BAZ1B: variants seen among roughly 807,000 people sequenced by gnomAD.
BAZ1B encodes bromodomain adjacent to zinc finger domain 1B.
A neutral mutation model predicts 153.8 loss-of-function variants in BAZ1B; 22 were observed. That is an observed-to-expected ratio of 0.14 (90% CI 0.10 to 0.20). The LOEUF (loss-of-function observed/expected upper bound fraction) is 0.20, where lower values mean the gene tolerates loss of function less well. BAZ1B is among the 10% of genes least tolerant of loss of function. The pLI is 1.00. For synonymous variants in BAZ1B, 676 were observed against 633.4 expected, an observed-to-expected ratio of 1.07 and a Z score of -1.01; for missense variants, 1,325 against 1,799.3, an observed-to-expected ratio of 0.74 and a Z score of 4.77.
chr7:73,514,618 T>C lies in BAZ1B; in HGVS notation c.108-3766A>G, dbSNP rs145996823. Reference sequence around the variant, plus strand: ...CAAGCCCAGGAGTTCAAGAGCAGCCTGGGCAACATAGCAAAACCCCATCTC... The same window carrying C: ...CAAGCCCAGGAGTTCAAGAGCAGCCCGGGCAACATAGCAAAACCCCATCTC... On this transcript the variant is annotated intron_variant, in intron 1 of 19. Transcript: ENST00000339594. Among the ~76,000 whole-genome samples the C allele has an allele frequency of 5.4e-3, 815 of 151,436 alleles. 5 individuals are homozygous for C. Among genetic ancestry groups the C allele is most frequent in the African/African-American group, 0.018 (738 of 41,228 alleles).
chr7:73,444,871 G>A (rs1481800879), intron 16 of BAZ1B, among the ~76,000 whole-genome samples: 3 of 152,134 alleles, frequency 2.0e-5, no homozygotes, highest in Non-Finnish European at 2.9e-5. Flanking sequence ...AAAATTAGCA[G>A]GGCGTGGTGG....
chr7:73,494,124 G>A (rs900540449), intron 4 of BAZ1B, among the ~76,000 whole-genome samples: 7 of 152,070 alleles, frequency 4.6e-5, no homozygotes, highest in Non-Finnish European at 1.0e-4. Flanking sequence ...GCTCGTGCCT[G>A]TAATCCCAGC....
At position 73,506,812 on chromosome 7, in the gene BAZ1B, T is replaced by C. The variant is rs184116902; in HGVS notation, c.369+1515A>G. Among the ~76,000 whole-genome samples, 659 of 135,080 alleles carry C rather than the reference T, an allele frequency of 4.9e-3. 8 individuals carry two copies. The highest frequency in any genetic ancestry group is 0.017 in the African/African-American group (629 of 36,268). The allele number at this position is 135,080 out of a possible 152,430, so 88.6% of individuals were successfully genotyped here. On this transcript the variant is annotated intron_variant, in intron 3 of 19. Transcript: ENST00000339594. ...GTTGCAGTGAGCCGAGATCACGCCATTGCACTCCAGCCTAGGCGACAAGAG... is the reference window on the plus strand; with the variant it reads ...GTTGCAGTGAGCCGAGATCACGCCACTGCACTCCAGCCTAGGCGACAAGAG...
intron 7 of BAZ1B, 61 bp from the exon 8 acceptor site, chr7:73,470,544 TAAATA>T: frequency 1.3e-6 from 2 of 1,574,724 alleles, no homozygotes; most frequent in South Asian, 1.1e-5. Context: ...TCTTACAAAT[TAAATA>T]AAATATGGAG....
At chr7:73,442,155 C>T in intron 19 of BAZ1B, 26 bp downstream of exon 19, 8 of 451,984 alleles carry the variant, frequency 1.8e-5, no homozygotes, top group Non-Finnish European at 2.8e-5. Flanking sequence ...CCCTCCCTAG[C>T]TGTCCCCCCA....
intron 9 of BAZ1B, 107 bp from the exon 10 acceptor site, chr7:73,466,508 ACTTC>A: frequency 1.5e-6 from 1 of 675,220 alleles, no homozygotes; most frequent in Non-Finnish European, 2.6e-6. Context: ...CAACACAGAT[ACTTC>A]CTGTGAAATA....
intron 18 of BAZ1B, 50 bp downstream of exon 18, chr7:73,442,675 G>A: frequency 6.3e-7 from 1 of 1,580,408 alleles, no homozygotes; most frequent in Non-Finnish European, 8.6e-7. Context: ...GAAGCTTTTA[G>A]AACCAGCCAG....
chr7:73,458,907 C>CAAAT (rs1554569915), intron 13 of BAZ1B, among the ~76,000 whole-genome samples: 1 of 151,950 alleles, frequency 6.6e-6, no homozygotes, highest in Admixed American at 6.6e-5. Context: ...ATTAAATAAA[C>CAAAT]AAATTGTTAA....
intron 2 of BAZ1B, among the ~76,000 whole-genome samples, chr7:73,508,855 T>C (rs927460298): frequency 2.7e-5 from 4 of 150,670 alleles, no homozygotes; most frequent in Non-Finnish European, 4.4e-5. Flanking sequence ...CTACTAAAAA[T>C]ATAAAAAATT....
At chr7:73,443,151 G>A (rs1554565549) in intron 17 of BAZ1B, among the ~76,000 whole-genome samples, 1 of 152,230 alleles carries the variant, frequency 6.6e-6, no homozygotes, top group East Asian at 1.9e-4. Flanking sequence ...CTAGCTCTCA[G>A]AGAACAGGTG....
In BAZ1B at chr7:73,515,519, C is replaced by A. The variant is rs997109480; in HGVS notation, c.108-4667G>T. 5.6e-4 allele frequency among the ~76,000 whole-genome samples: 85 copies of A among 151,202 alleles called. 2 individuals are homozygous for A. The highest frequency in any genetic ancestry group is 3.1e-4 in the Non-Finnish European group (21 of 67,858). Reference sequence around the variant, plus strand: ...CATGTCACACACAGGGTCTGCCCCTCCAGCCTTGTTCCTTTTTTTTTTTTT... The same window carrying A: ...CATGTCACACACAGGGTCTGCCCCTACAGCCTTGTTCCTTTTTTTTTTTTT... On this transcript the variant is annotated intron_variant, in intron 1 of 19. Transcript: ENST00000339594.
chr7:73,456,505 C>T (rs1402540239), intron 13 of BAZ1B, among the ~76,000 whole-genome samples: 1 of 152,116 alleles, frequency 6.6e-6, no homozygotes, highest in Non-Finnish European at 1.5e-5. Flanking sequence ...ATATATATTT[C>T]TCCAAATAAG....
intron 1 of BAZ1B, among the ~76,000 whole-genome samples, chr7:73,521,161 C>A (rs1554580119): frequency 1.3e-5 from 2 of 152,224 alleles, no homozygotes; most frequent in South Asian, 2.1e-4. Flanking sequence ...AAATTTCAAA[C>A]CTGTGTCTGC....
chr7:73,492,839 C>A lies in BAZ1B; in HGVS notation c.654G>T (p.Leu218=). The A allele has an allele frequency of 6.2e-7, 1 of 1,608,928 alleles. No individual in the cohort carries two copies. Among genetic ancestry groups the A allele is most frequent in the Non-Finnish European group, 8.5e-7 (1 of 1,178,252 alleles). ...GERKWAPPKF[L]PHKYDVKLQN... ...GTAGTTTCACATCATATTTGTGAGG[C>A]AGAAATTTTGGAGGAGCCCATTTCC... Residue 218 remains leucine, a synonymous_variant, in exon 5 of 20, where the codon CTG becomes CTT. Transcript: ENST00000339594.
At chr7:73,474,244 A>T (rs897761703) in intron 7 of BAZ1B, among the ~76,000 whole-genome samples, 10 of 152,208 alleles carry the variant, frequency 6.6e-5, no homozygotes, top group Non-Finnish European at 7.3e-5. Flanking sequence ...GCAAAAAAAA[A>T]TAAAGCTGGA....
chr7:73,514,064 T>G (rs1790694066), intron 1 of BAZ1B, among the ~76,000 whole-genome samples: 1 of 152,170 alleles, frequency 6.6e-6, no homozygotes, highest in Non-Finnish European at 1.5e-5. Context: ...TACTTACTAG[T>G]TCAGCATCCC....
In BAZ1B at chr7:73,476,972, T is replaced by C; in HGVS notation, c.2489A>G (p.Gln830Arg). The change falls in exon 7 of 20, where the codon CAA (glutamine) becomes CGA (arginine). Residue 830 changes from glutamine (Q) to arginine (R), a missense_variant. Physicochemically the swap from Gln to Arg is conservative, Grantham distance 43. Transcript: ENST00000339594. ...RKKEIVKFEPQVDTEAEDMIS... is the reference protein window; with the variant it reads ...RKKEIVKFEPRVDTEAEDMIS... ...CATGTCTTCAGCTTCTGTATCTACT[T>C]GGGGCTCAAACTTCACAATTTCTTT... 2 of 1,614,236 alleles carry C rather than the reference T, an allele frequency of 1.2e-6. No homozygotes were observed. Among genetic ancestry groups the C allele is most frequent in the East Asian group, 4.5e-5 (2 of 44,878 alleles).
At chr7:73,484,736 T>G (rs1310322120) in intron 6 of BAZ1B, among the ~76,000 whole-genome samples, 1 of 152,258 alleles carries the variant, frequency 6.6e-6, no homozygotes, top group East Asian at 1.9e-4. Flanking sequence ...ATACATCAAT[T>G]CTTAATGTCC....
chr7:73,515,597 G>T (rs1237097695), intron 1 of BAZ1B, among the ~76,000 whole-genome samples: 3 of 140,892 alleles, frequency 2.1e-5, no homozygotes, highest in African/African-American at 8.1e-5. Context: ...GAGTGCAATA[G>T]CACCATCTCG....
Sources: allele counts gnomAD v4.1 joint callset (sites outside exome capture counted in the v4.1 genomes callset), GRCh38; gene constraint gnomAD v4.1.1; transcripts MANE v1.5; gene names NCBI Gene and HGNC (gene_info 2026-07-23, HGNC 2026-07-21).